The following MORC3 variants were observed in gnomAD, a reference collection of about 807,000 sequenced individuals.
MORC3 encodes MORC family CW-type zinc finger protein 3.
Under a neutral mutation model 109.1 loss-of-function variants are expected in MORC3, and 31 were observed. The ratio of observed to expected loss-of-function variants is 0.28; its 90% CI spans 0.21 to 0.38. The LOEUF (loss-of-function observed/expected upper bound fraction) is 0.38, where lower values mean the gene tolerates loss of function less well. Ranked by LOEUF, MORC3 falls within the 10% of genes least tolerant of loss-of-function variation. The probability of loss-of-function intolerance (pLI) is 1.00; values close to 1 mark genes in which losing one functional copy is unlikely to be tolerated. For synonymous variants in MORC3, 395 were observed against 380.7 expected, an observed-to-expected ratio of 1.04 and a Z score of -0.44; for missense variants, 867 against 1,135.8, an observed-to-expected ratio of 0.76 and a Z score of 3.40.
intron 5 of MORC3, 68 bp from the exon 6 acceptor site, chr21:36,341,331 T>TAA: frequency 1.4e-6 from 2 of 1,428,036 alleles, no homozygotes; most frequent in Non-Finnish European, 1.9e-6. Flanking sequence ...TTTAATGACT[T>TAA]ACAGTGTTTG....
chr21:36,345,129 C>T (rs1165222106), intron 8 of MORC3, 98 bp downstream of exon 8: 2 of 1,255,568 alleles, frequency 1.6e-6, no homozygotes, highest in African/African-American at 1.6e-5. Flanking sequence ...TTTTATTGTA[C>T]CTTTTGCCTA....
At chr21:36,355,555 G>A (rs974755031) in intron 9 of MORC3, among the ~76,000 whole-genome samples, 1 of 152,098 alleles carries the variant, frequency 6.6e-6, no homozygotes, top group Non-Finnish European at 1.5e-5. Flanking sequence ...TAGCCTGTCC[G>A]TTCTTGGACT....
rs192121822 is a variant in MORC3 at position 36,327,485 on chromosome 21, T to C, written c.40-6161T>C. On this transcript the variant is annotated intron_variant, in intron 1 of 16. Coordinates refer to ENST00000400485, the MANE Select transcript of MORC3 (RefSeq NM_015358.3). The stretch of plus-strand genomic sequence containing the variant: ...CTATTCTGGAATTGGGCAACACTTC[T>C]TCCATAAAATACAGTAAGTGTTCTA... Among the ~76,000 whole-genome samples the C allele has an allele frequency of 2.2e-3, 335 of 151,372 alleles. 23 individuals are homozygous for C. The highest frequency in any genetic ancestry group is 7.6e-3 in the African/African-American group (309 of 40,702).
chr21:36,328,614 T>A (rs1369323016), intron 1 of MORC3, among the ~76,000 whole-genome samples: 1 of 152,146 alleles, frequency 6.6e-6, no homozygotes, highest in Non-Finnish European at 1.5e-5. Context: ...GTGGTGGGAT[T>A]ACAGGCATGA....
At chr21:36,324,491 A>T (rs944254444) in intron 1 of MORC3, among the ~76,000 whole-genome samples, 14 of 150,030 alleles carry the variant, frequency 9.3e-5, no homozygotes, top group Non-Finnish European at 1.9e-4. Context: ...GTTAGCCAGG[A>T]TGGTCTTGAT....
intron 9 of MORC3, among the ~76,000 whole-genome samples, chr21:36,354,513 C>T (rs1476601197): frequency 1.3e-5 from 2 of 151,930 alleles, no homozygotes; most frequent in Non-Finnish European, 2.9e-5. Flanking sequence ...CCATATTGGC[C>T]AGGCTGGTCT....
intron 1 of MORC3, among the ~76,000 whole-genome samples, chr21:36,328,703 C>A (rs536019957): frequency 6.6e-6 from 1 of 152,046 alleles, no homozygotes; most frequent in East Asian, 1.9e-4. Context: ...TCTTGTACTC[C>A]TGACCTCTGG....
intron 1 of MORC3, among the ~76,000 whole-genome samples, chr21:36,327,323 A>AGCAGGAGCTTAG (rs1569087137): frequency 2.7e-5 from 4 of 149,502 alleles, no homozygotes; most frequent in African/African-American, 1.0e-4. Flanking sequence ...CACCTGGCTA[A>AGCAGGAGCTTAG]TTTTTTTGGC....
chr21:36,329,616 C>T (rs9974684), intron 1 of MORC3, among the ~76,000 whole-genome samples: 3,678 of 152,278 alleles, frequency 0.024, 54 homozygotes, highest in Non-Finnish European at 0.038. Flanking sequence ...ACTTCCTTCT[C>T]AGCCAGGGCA....
In MORC3 at chr21:36,375,129, A is replaced by C. The variant is rs377170948; in HGVS notation, c.2667-14A>C. On this transcript the variant is annotated splice_polypyrimidine_tract_variant and intron_variant, in intron 16 of 16. Coordinates refer to ENST00000400485, the MANE Select transcript of MORC3 (RefSeq NM_015358.3). ...GTAATGCTCATCTAATAAGTTACAT[A>C]TTTGTATTTGCAGCCTCAAACTCCG... The C allele has an allele frequency of 1.9e-6, 3 of 1,604,966 alleles. No individual in the cohort carries two copies. The highest frequency in any genetic ancestry group is 2.6e-6 in the Non-Finnish European group (3 of 1,175,958).
rs145391114 is a variant in MORC3, at chr21:36,371,650, CAT to C, written c.2509-722_2509-721del. On this transcript the variant is annotated intron_variant, in intron 15 of 16. Transcript: ENST00000400485. ...TCACACCATCATAAAGCTGGAAAATCATAAAGTCAAACCGTTGTAAGTCAGGG... is the reference window on the plus strand; with the variant it reads ...TCACACCATCATAAAGCTGGAAAATCAAAGTCAAACCGTTGTAAGTCAGGG... Among the ~76,000 whole-genome samples, 1,330 of 152,102 alleles carry C rather than the reference CAT, an allele frequency of 8.7e-3. 19 individuals carry two copies. The highest frequency in any genetic ancestry group is 0.031 in the African/African-American group (1,278 of 41,502).
chr21:36,350,885 A>G (rs1296153889), intron 9 of MORC3, among the ~76,000 whole-genome samples: 1 of 152,126 alleles, frequency 6.6e-6, no homozygotes, highest in Non-Finnish European at 1.5e-5. Flanking sequence ...TGTATGGAAT[A>G]CATGTGATAT....
rs2085174305 is a variant in MORC3 at position 36,320,255 on chromosome 21, C to T, written c.-10C>T. 1.9e-6 allele frequency: 3 copies of T among 1,581,674 alleles called. No individual in the cohort carries two copies. The highest frequency in any genetic ancestry group is 2.7e-5 in the African/African-American group (2 of 73,916). ...GCGGAGGCCGTTCCTGGCTTTGTAG[C>T]TCGCTCAAGATGGCGGCGCAGCCAC... On this transcript the variant is annotated 5_prime_UTR_variant, in exon 1 of 17. Coordinates refer to ENST00000400485, the MANE Select transcript of MORC3 (RefSeq NM_015358.3).
rs762406603 is a variant in MORC3, at chr21:36,369,432, T to C, written c.2064T>C (p.Ser688=). Residue 688 remains serine, a synonymous_variant, in exon 15 of 17, where the codon TCT becomes TCC. Coordinates refer to ENST00000400485, the MANE Select transcript of MORC3 (RefSeq NM_015358.3). ...IHETQETTDK[S]ADDAGCQLQE... is the part of the protein sequence containing the mutation. The stretch of plus-strand genomic sequence containing the variant: ...AAACCCAGGAAACCACCGATAAATC[T>C]GCAGATGATGCAGGCTGCCAATTAC... 1 of 1,614,076 alleles carries C rather than the reference T, an allele frequency of 6.2e-7. No homozygotes were observed. The highest frequency in any genetic ancestry group is 2.2e-5 in the East Asian group (1 of 44,882).
chr21:36,320,580 A>T (rs900972629), intron 1 of MORC3: 4 of 319,626 alleles, frequency 1.3e-5, no homozygotes, highest in Non-Finnish European at 1.7e-5. Context: ...GTCTCCCAGC[A>T]GCTGTCGTCC....
At chr21:36,320,360 G>A in intron 1 of MORC3, 57 bp downstream of exon 1, 1 of 1,260,656 alleles carries the variant, frequency 7.9e-7, no homozygotes, top group Non-Finnish European at 1.0e-6. Context: ...GCGGGCAAGC[G>A]AAGGGGGGCC....
intron 12 of MORC3, chr21:36,361,952 G>GA: frequency 6.9e-6 from 4 of 576,368 alleles, no homozygotes; most frequent in Non-Finnish European, 9.4e-6. Flanking sequence ...TCTTAGTGGA[G>GA]AAAAAAACAC....
At position 36,360,030 on chromosome 21, in the gene MORC3, A is replaced by G. The variant is rs192090360; in HGVS notation, c.1284A>G (p.Gln428=). The G allele has an allele frequency of 4.1e-3, 6,552 of 1,614,186 alleles. 29 individuals carry two copies. Among genetic ancestry groups the G allele is most frequent in the Middle Eastern group, 0.015 (91 of 6,062 alleles). The change falls in exon 11 of 17, where the codon CAA becomes CAG. Residue 428 remains glutamine (Q), a synonymous_variant. Coordinates refer to ENST00000400485, the MANE Select transcript of MORC3 (RefSeq NM_015358.3). ...KWRKLPDGMD[Q]LPEKWYCSNN... is the part of the protein sequence containing the mutation. Reference sequence around the variant, plus strand: ...GGAAATTACCTGATGGGATGGATCAACTTCCTGAAAAATGGTATTGCTCCA... The same window carrying G: ...GGAAATTACCTGATGGGATGGATCAGCTTCCTGAAAAATGGTATTGCTCCA...
chr21:36,357,479 A>T (rs1389611860), intron 10 of MORC3, among the ~76,000 whole-genome samples: 1 of 151,838 alleles, frequency 6.6e-6, no homozygotes, highest in Non-Finnish European at 1.5e-5. Context: ...GGCTGGTCTC[A>T]ATGTCCTGGG....
Sources: allele counts gnomAD v4.1 joint callset (sites outside exome capture counted in the v4.1 genomes callset), GRCh38; gene constraint gnomAD v4.1.1; transcripts MANE v1.5; gene names NCBI Gene and HGNC (gene_info 2026-07-23, HGNC 2026-07-21).